Variants in GALNT15 observed in about 807,000 individuals in gnomAD.
GALNT15 encodes the protein UDP-GalNAc transferase T15.
A neutral mutation model predicts 66.8 loss-of-function variants in GALNT15; 67 were observed. The ratio of observed to expected loss-of-function variants is 1.00; its 90% confidence interval spans 0.82 to 1.23. The LOEUF (loss-of-function observed/expected upper bound fraction) is 1.23. GALNT15 is among the 50% of genes most tolerant of loss of function. The pLI is 0.00. For missense variants in GALNT15, 827 were observed against 804.3 expected (o/e 1.03, Z -0.34); for synonymous variants, 313 against 311.5 (o/e 1.00, Z -0.05).
rs1019009823 is a variant in GALNT15 at position 16,215,916 on chromosome 3, A to AAACAAAACAAAAAAAAAAAAAAC, written c.1392+3155_1392+3156insCAAAACAAAAAAAAAAAAAACAA. Among the ~76,000 whole-genome samples, 401 of 143,506 alleles carry AAACAAAACAAAAAAAAAAAAAAC rather than the reference A, an allele frequency of 2.8e-3. 2 individuals are homozygous for AAACAAAACAAAAAAAAAAAAAAC. Among genetic ancestry groups the AAACAAAACAAAAAAAAAAAAAAC allele is most frequent in the Middle Eastern group, 8.0e-3 (2 of 250 alleles). 94.1% of individuals were successfully genotyped at this position (143,506 alleles called of 152,430 possible). On this transcript the variant is annotated intron_variant, in intron 6 of 9. Coordinates refer to ENST00000339732, the MANE Select transcript of GALNT15 (RefSeq NM_054110.5). ...AGAGGGAGACTCCGCCAAAAAAAAA[A>AAACAAAACAAAAAAAAAAAAAAC]AAAAAAAAAGAAGAGGAAGAAGAAG...
chr3:16,212,488 C>T, intron 5 of GALNT15, 81 bp from the exon 6 acceptor site: 1 of 1,304,340 alleles, frequency 7.7e-7, no homozygotes, highest in Non-Finnish European at 1.1e-6. Context: ...ATTTTGCCAG[C>T]CCCTCATAGA....
intron 5 of GALNT15, 145 bp from the exon 6 acceptor site, chr3:16,212,424 C>T: frequency 1.3e-6 from 1 of 747,386 alleles, no homozygotes; most frequent in Non-Finnish European, 2.1e-6. Context: ...AAACTCTACG[C>T]CACCCTGAGG....
chr3:16,195,851 G>T lies in GALNT15; in HGVS notation c.631G>T (p.Val211Leu). Residue 211 changes from valine to leucine, a missense_variant, in exon 2 of 10, where the codon GTA (valine) becomes TTA (leucine). Val to Leu is a conservative substitution (Grantham distance 32). Coordinates refer to ENST00000339732, the MANE Select transcript of GALNT15 (RefSeq NM_054110.5). This position sits in a 1 kb window ranked among gnomAD's most constrained non-coding sequence, Gnocchi z 4.6. Reference sequence around the variant, plus strand: ...GGCCTGGTCCACTCTCCTGCGGACTGTACACAGCATCCTCGACACAGTGCC... The same window carrying T: ...GGCCTGGTCCACTCTCCTGCGGACTTTACACAGCATCCTCGACACAGTGCC... ...DEAWSTLLRT[V>L]HSILDTVPRA... 6.2e-7 allele frequency: 1 copy of T among 1,614,138 alleles called. No homozygotes were observed. Among genetic ancestry groups the T allele is most frequent in the South Asian group, 1.1e-5 (1 of 91,078 alleles).
At position 16,191,680 on chromosome 3, in the gene GALNT15, AAT is replaced by A; in HGVS notation, c.540-4077_540-4076del. Among the ~76,000 whole-genome samples the A allele has an allele frequency of 6.6e-6, 1 of 152,364 alleles. No homozygotes were observed. The highest frequency in any genetic ancestry group is 2.1e-4 in the South Asian group (1 of 4,828). On this transcript the variant is annotated intron_variant, in intron 1 of 9. Transcript: ENST00000339732. The surrounding 1 kb of genome is among the most constrained non-coding windows in gnomAD (Gnocchi z 5.2). ...GCTCTCACATCTCCTTACTTTGAGT[AAT>A]ATGCAAGGAGTGTGATCTTAAAGAG...
At position 16,227,328 on chromosome 3, in the gene GALNT15, T is replaced by G; in HGVS notation, c.1774-26T>G. Reference sequence around the variant, plus strand: ...GACTGATTGTGGGGGACTGGTTTTCTTTTCTTTTTTCCTTTCTCTTTTTAG... The same window carrying G: ...GACTGATTGTGGGGGACTGGTTTTCGTTTCTTTTTTCCTTTCTCTTTTTAG... On this transcript the variant is annotated intron_variant, in intron 9 of 9. Coordinates refer to ENST00000339732, the MANE Select transcript of GALNT15 (RefSeq NM_054110.5). The surrounding 1 kb of genome is among the most constrained non-coding windows in gnomAD (Gnocchi z 4.5). 1 of 1,597,966 alleles carries G rather than the reference T, an allele frequency of 6.3e-7. No individual in the cohort carries two copies. Among genetic ancestry groups the G allele is most frequent in the Non-Finnish European group, 8.5e-7 (1 of 1,174,976 alleles).
At position 16,211,138 on chromosome 3, in the gene GALNT15, C is replaced by T. The variant is rs747565441; in HGVS notation, c.1094C>T (p.Pro365Leu). Residue 365 changes from proline (P) to leucine (L), a missense_variant, in exon 5 of 10, where the codon CCC (proline) becomes CTC (leucine). Pro to Leu is a moderately conservative substitution (Grantham distance 98, BLOSUM62 -3). Coordinates refer to ENST00000339732, the MANE Select transcript of GALNT15 (RefSeq NM_054110.5). This position sits in a 1 kb window ranked among gnomAD's most constrained non-coding sequence, Gnocchi z 4.3. ...TCTGTGTCCAGGAGCCCTGTGGTGCCCGGAGAGGTGGTGGCCATGGACAGA... is the reference window on the plus strand; with the variant it reads ...TCTGTGTCCAGGAGCCCTGTGGTGCTCGGAGAGGTGGTGGCCATGGACAGA... ...PISPIRSPVV[P>L]GEVVAMDRHY... is the part of the protein sequence containing the mutation. 61 of 1,613,112 alleles carry T rather than the reference C, an allele frequency of 3.8e-5. No homozygotes were observed. Among genetic ancestry groups the T allele is most frequent in the Non-Finnish European group, 2.7e-5 (32 of 1,179,292 alleles).
At chr3:16,244,612 G>A in the GALNT15 span, among the ~76,000 whole-genome samples, 1 of 152,240 alleles carries the variant, frequency 6.6e-6, no homozygotes, top group South Asian at 2.1e-4. Flanking sequence ...TTTGAAGAAT[G>A]TGCAGACTCC....
Position 16,229,544 on chromosome 3 carries a change from T to A in GALNT15, c.*2044T>A, listed in dbSNP as rs1381022730. 1 of 984,918 alleles carries A rather than the reference T, an allele frequency of 1.0e-6. No individual in the cohort carries two copies. Among genetic ancestry groups the A allele is most frequent in the Non-Finnish European group, 1.2e-6 (1 of 829,618 alleles). 61.0% of individuals were successfully genotyped at this position (984,918 alleles called of 1,614,324 possible). A position where few individuals can be genotyped will look rare whatever the true frequency, so the allele number is the denominator to read the frequency against. On this transcript the variant is annotated 3_prime_UTR_variant, in exon 10 of 10. Coordinates refer to ENST00000339732, the MANE Select transcript of GALNT15 (RefSeq NM_054110.5). ...CTTCTTGCTTCAGACCCATCTATATTTAAAACAAATTTCCCTAAATCCTGA... is the reference window on the plus strand; with the variant it reads ...CTTCTTGCTTCAGACCCATCTATATATAAAACAAATTTCCCTAAATCCTGA...
Position 16,212,686 on chromosome 3 carries a change from C to A in GALNT15, c.1315C>A (p.Arg439Ser). The A allele has an allele frequency of 6.2e-7, 1 of 1,614,012 alleles. No homozygotes were observed. Among genetic ancestry groups the A allele is most frequent in the Non-Finnish European group, 8.5e-7 (1 of 1,179,998 alleles). ...GGAGGCCACCCTGAGGAACAGGGTT[C>A]GCATTGCTGAGACCTGGCTGGGGTC... ...DQEATLRNRV[R>S]IAETWLGSFK... is the part of the protein sequence containing the mutation. The change falls in exon 6 of 10, where the codon CGC becomes AGC. Residue 439 changes from arginine (R) to serine (S), a missense_variant. Arg to Ser is a moderately radical substitution (Grantham distance 110, BLOSUM62 -1). Transcript: ENST00000339732.
At chr3:16,185,842 A>G (rs2063511744) in intron 1 of GALNT15, among the ~76,000 whole-genome samples, 1 of 152,206 alleles carries the variant, frequency 6.6e-6, no homozygotes, top group Non-Finnish European at 1.5e-5. Flanking sequence ...AACTTTAAAC[A>G]GGTCATTTAA....
At chr3:16,217,979 A>T (rs896581032) in intron 6 of GALNT15, among the ~76,000 whole-genome samples, 16 of 152,182 alleles carry the variant, frequency 1.1e-4, no homozygotes, top group African/African-American at 3.1e-4. Context: ...TGACTTAGAG[A>T]AGTTTTTCTC....
At chr3:16,177,727 A>C (rs999797769) in intron 1 of GALNT15, among the ~76,000 whole-genome samples, 1 of 152,178 alleles carries the variant, frequency 6.6e-6, no homozygotes, top group Non-Finnish European at 1.5e-5. Flanking sequence ...TTTGTTTTGC[A>C]TATGTTCACG....
At chr3:16,239,152 C>G in the GALNT15 span, among the ~76,000 whole-genome samples, 3 of 152,164 alleles carry the variant, frequency 2.0e-5, no homozygotes, top group Non-Finnish European at 4.4e-5. The surrounding 1 kb of genome is among the most constrained non-coding windows in gnomAD (Gnocchi z 5.2). Context: ...TTTCTCTTCA[C>G]TGAGAAAGCA....
At chr3:16,194,790 T>G (rs141507863) in intron 1 of GALNT15, among the ~76,000 whole-genome samples, 112 of 152,130 alleles carry the variant, frequency 7.4e-4, no homozygotes, top group African/African-American at 2.4e-3. Flanking sequence ...TGAGAACACA[T>G]GGACACAGGG....
At position 16,184,963 on chromosome 3, in the gene GALNT15, C is replaced by G. The variant is rs775739511; in HGVS notation, c.539+9273C>G. 2.0e-5 allele frequency among the ~76,000 whole-genome samples: 3 copies of G among 152,208 alleles called. No homozygotes were observed. Among genetic ancestry groups the G allele is most frequent in the Admixed American group, 2.0e-4 (3 of 15,284 alleles). ...AATTTTCCAGCTCTTCAGGGATGCT[C>G]TGACTGGGGAAATCACACTGGTCAG... On this transcript the variant is annotated intron_variant, in intron 1 of 9. Coordinates refer to ENST00000339732, the MANE Select transcript of GALNT15 (RefSeq NM_054110.5). The surrounding 1 kb of genome is among the most constrained non-coding windows in gnomAD (Gnocchi z 5.0).
At position 16,219,842 on chromosome 3, in the gene GALNT15, G is replaced by A. The variant is rs116367014; in HGVS notation, c.1525-68G>A. 1,675 of 1,259,670 alleles carry A rather than the reference G, an allele frequency of 1.3e-3. 20 individuals carry two copies. In the African/African-American group the frequency reaches 0.021, roughly 16 times the overall value. The allele number at this position is 1,259,670 out of a possible 1,614,324, so 78.0% of individuals were successfully genotyped here. A position where few individuals can be genotyped will look rare whatever the true frequency, so the allele number is the denominator to read the frequency against. Reference sequence around the variant, plus strand: ...ACTCCAGAGAATACAGCAAAGGAATGGTGTCTGACCGAGGGTGTCTTTACA... The same window carrying A: ...ACTCCAGAGAATACAGCAAAGGAATAGTGTCTGACCGAGGGTGTCTTTACA... On this transcript the variant is annotated intron_variant, in intron 7 of 9. Transcript: ENST00000339732. The surrounding 1 kb of genome is among the most constrained non-coding windows in gnomAD (Gnocchi z 4.3).
chr3:16,228,456 C>A lies in GALNT15; in HGVS notation c.*956C>A. 1 of 634,270 alleles carries A rather than the reference C, an allele frequency of 1.6e-6. No individual in the cohort carries two copies. Among genetic ancestry groups the A allele is most frequent in the East Asian group, 1.4e-4 (1 of 7,196 alleles). The allele number at this position is 634,270 out of a possible 1,614,324, so 39.3% of individuals were successfully genotyped here. On this transcript the variant is annotated 3_prime_UTR_variant, in exon 10 of 10. Coordinates refer to ENST00000339732, the MANE Select transcript of GALNT15 (RefSeq NM_054110.5). ...AGGGGTTTGAGACCAGCCTGGTCAA[C>A]ATTGCAAAACCTTGTCTCTACTAAA...
intron 2 of GALNT15, among the ~76,000 whole-genome samples, chr3:16,199,728 C>A (rs1405010797): frequency 6.6e-6 from 1 of 152,176 alleles, no homozygotes; most frequent in East Asian, 1.9e-4. Context: ...ACTGCGGGGT[C>A]TGTCTTGCTT....
rs755174558 is a variant in GALNT15 at position 16,198,553 on chromosome 3, A to G, written c.707-2066A>G. ...GTTACATTTAGCAATGTTAAAGCCAATGAAGTCACTGAGGGGCTGCTTCTC... is the reference window on the plus strand; with the variant it reads ...GTTACATTTAGCAATGTTAAAGCCAGTGAAGTCACTGAGGGGCTGCTTCTC... On this transcript the variant is annotated intron_variant, in intron 2 of 9. Transcript: ENST00000339732. Among the ~76,000 whole-genome samples, 14 of 142,330 alleles carry G rather than the reference A, an allele frequency of 9.8e-5. 2 individuals are homozygous for G. Among genetic ancestry groups the G allele is most frequent in the Admixed American group, 7.1e-4 (10 of 14,046 alleles). 93.4% of individuals were successfully genotyped at this position (142,330 alleles called of 152,430 possible). A position where few individuals can be genotyped will look rare whatever the true frequency, so the allele number is the denominator to read the frequency against.
Sources: gnomAD v4.1 joint callset for allele counts (sites outside exome capture counted in the v4.1 genomes callset) on GRCh38, gnomAD v4.1.1 for gene constraint, Gnocchi (gnomAD v3.1) non-coding constraint, MANE v1.5 for transcripts, NCBI Gene and HGNC (gene_info 2026-07-23, HGNC 2026-07-21) for gene names.